Variants in MAPK4 observed in about 807,000 individuals in gnomAD.
MAPK4 encodes mitogen-activated protein kinase 4.
Under a neutral mutation model 47.7 loss-of-function variants are expected in MAPK4, and 22 were observed. The ratio of observed to expected loss-of-function variants is 0.46; its 90% CI spans 0.33 to 0.66. The LOEUF (loss-of-function observed/expected upper bound fraction) is 0.66, where lower values mean the gene tolerates loss of function less well. Ranked by LOEUF, MAPK4 falls within the 30% of genes least tolerant of loss-of-function variation. The probability of loss-of-function intolerance (pLI) is 0.02; values close to 1 mark genes in which losing one functional copy is unlikely to be tolerated. For missense variants in MAPK4, 736 were observed against 831.7 expected (o/e 0.88, Z 1.42); for synonymous variants, 390 against 365.7 (o/e 1.07, Z -0.76).
chr18:50,700,795 G>C (rs1461691728), intron 2 of MAPK4, among the ~76,000 whole-genome samples: 1 of 152,146 alleles, frequency 6.6e-6, no homozygotes, highest in Non-Finnish European at 1.5e-5. Flanking sequence ...AGTTGGGGGT[G>C]GGGGACAGGG....
At chr18:50,665,919 C>G (rs1259590538) in intron 2 of MAPK4, among the ~76,000 whole-genome samples, 1 of 152,312 alleles carries the variant, frequency 6.6e-6, no homozygotes, top group Admixed American at 6.5e-5. Flanking sequence ...CTTTCTAATT[C>G]CTTGAACTGC....
upstream of MAPK4, chr18:50,560,065 GGCCGGGGCCGGGGCGGGA>G (rs1369399714): frequency 6.8e-6 from 1 of 148,146 alleles, no homozygotes; most frequent in Non-Finnish European, 1.5e-5. Flanking sequence ...CGCAGGCTGG[GGCCGGGGCCGGGGCGGGA>G]GCCGGAGCCC....
At chr18:50,632,458 T>C (rs766717303) in intron 1 of MAPK4, among the ~76,000 whole-genome samples, 1 of 152,144 alleles carries the variant, frequency 6.6e-6, no homozygotes, top group Non-Finnish European at 1.5e-5. Context: ...AAATGAGTCA[T>C]CCAGCATCCC....
intron 3 of MAPK4, among the ~76,000 whole-genome samples, chr18:50,717,435 A>G (rs533713751): frequency 5.9e-5 from 9 of 152,138 alleles, no homozygotes; most frequent in African/African-American, 1.9e-4. Flanking sequence ...CATGGCCTGC[A>G]TTGGTAGGCC....
chr18:50,625,881 T>TGC (rs1568050630), intron 1 of MAPK4, among the ~76,000 whole-genome samples: 1 of 126,104 alleles, frequency 7.9e-6, no homozygotes, highest in Non-Finnish European at 1.7e-5. Context: ...GGTGTGTGTA[T>TGC]GCACACACAC....
exon 1 of MAPK4, chr18:50,560,081 GGAGCCGGAGCCC>G (rs940623950): frequency 2.0e-3 from 293 of 148,466 alleles, 2 homozygotes; most frequent in South Asian, 0.01. Flanking sequence ...GGCCGGGGCG[GGAGCCGGAGCCC>G]GAGCTGGAGC....
intron 2 of MAPK4, among the ~76,000 whole-genome samples, chr18:50,668,082 G>A (rs1440296253): frequency 2.0e-5 from 3 of 152,192 alleles, no homozygotes; most frequent in Admixed American, 6.5e-5. Context: ...TACATTTACT[G>A]TAAGGGTTAG....
intron 1 of MAPK4, among the ~76,000 whole-genome samples, chr18:50,657,313 C>T (rs1183083418): frequency 6.6e-6 from 1 of 152,180 alleles, no homozygotes; most frequent in Non-Finnish European, 1.5e-5. Flanking sequence ...GATGACATCA[C>T]CTCCTGGGAC....
rs116565224 is a variant in MAPK4 at position 50,577,356 on chromosome 18, C to T, written c.-871+17113C>T. Among the ~76,000 whole-genome samples the T allele has an allele frequency of 6.7e-3, 1,013 of 152,110 alleles. 15 individuals carry two copies. Among genetic ancestry groups the T allele is most frequent in the African/African-American group, 0.023 (964 of 41,468 alleles). ...GCCCTAGAGATTCTGATTTATATGGCGTGGGGTCCAGACATCAGTTTTATT... is the reference window on the plus strand; with the variant it reads ...GCCCTAGAGATTCTGATTTATATGGTGTGGGGTCCAGACATCAGTTTTATT... On this transcript the variant is annotated intron_variant, in intron 1 of 5. Transcript: ENST00000400384.
At chr18:50,627,558 G>A (rs2042789707) in intron 1 of MAPK4, among the ~76,000 whole-genome samples, 1 of 152,180 alleles carries the variant, frequency 6.6e-6, no homozygotes. Context: ...CCACTGTGTT[G>A]TCTTCAAACC....
intron 1 of MAPK4, among the ~76,000 whole-genome samples, chr18:50,606,155 G>A (rs923636808): frequency 1.3e-5 from 2 of 152,144 alleles, no homozygotes; most frequent in Non-Finnish European, 2.9e-5. Flanking sequence ...ACAGACATGG[G>A]GAGAACCCCG....
intron 1 of MAPK4, among the ~76,000 whole-genome samples, chr18:50,628,466 G>A (rs895639579): frequency 6.6e-6 from 1 of 152,200 alleles, no homozygotes; most frequent in African/African-American, 2.4e-5. Context: ...CCTTTTGGGG[G>A]CCCGTTAAGC....
rs1909955848 is a variant in MAPK4 at position 50,704,635 on chromosome 18, A to T, written c.547-10444A>T. The T allele has an allele frequency of 1.0e-5, 4 of 398,678 alleles. No individual in the cohort carries two copies. The East Asian group carries it at 1.1e-4, about 11-fold the overall frequency. 24.7% of individuals were successfully genotyped at this position (398,678 alleles called of 1,614,324 possible). On this transcript the variant is annotated intron_variant, in intron 2 of 5. Coordinates refer to ENST00000400384, the MANE Select transcript of MAPK4 (RefSeq NM_002747.4). ...TCTTCTGAGCGTTCTCTGCAAGTCAAACTGGGGAGAGTTCCAGTCCTGTGG... is the reference window on the plus strand; with the variant it reads ...TCTTCTGAGCGTTCTCTGCAAGTCATACTGGGGAGAGTTCCAGTCCTGTGG...
intron 2 of MAPK4, among the ~76,000 whole-genome samples, chr18:50,709,188 C>T (rs1231605152): frequency 1.3e-5 from 2 of 152,134 alleles, no homozygotes; most frequent in Admixed American, 6.5e-5. Context: ...GCTCCTCCAC[C>T]GGGAGGGCTC....
intron 1 of MAPK4, among the ~76,000 whole-genome samples, chr18:50,561,803 G>A (rs547547034): frequency 4.6e-5 from 7 of 152,192 alleles, no homozygotes; most frequent in Non-Finnish European, 8.8e-5. Flanking sequence ...TAGTAAAAAG[G>A]CTTGCTCTGG....
Position 50,664,190 on chromosome 18 carries a change from G to C in MAPK4, c.232G>C (p.Val78Leu). The C allele has an allele frequency of 6.2e-7, 1 of 1,614,080 alleles. No individual in the cohort carries two copies. Among genetic ancestry groups the C allele is most frequent in the East Asian group, 2.2e-5 (1 of 44,884 alleles). ...TCGGCGCCTGGACCACGACAACATC[G>C]TCAAAGTGTACGAGGTGCTCGGTCC... ...IIRRLDHDNI[V>L]KVYEVLGPKG... Residue 78 changes from valine (V) to leucine (L), a missense_variant, in exon 2 of 6, where the codon GTC becomes CTC. By Grantham distance (32) the Val-to-Leu change is conservative. This residue lies in a region of MAPK4 where 327 missense variants were observed against 395.4 expected (regional missense o/e 0.83). Transcript: ENST00000400384. The surrounding 1 kb of genome is among the most constrained non-coding windows in gnomAD (Gnocchi z 6.0).
intron 1 of MAPK4, among the ~76,000 whole-genome samples, chr18:50,618,325 G>A (rs1258395064): frequency 3.9e-5 from 6 of 152,030 alleles, no homozygotes; most frequent in Admixed American, 3.3e-4. Flanking sequence ...TAGTTACTAC[G>A]CCCTGTACCT....
At chr18:50,611,220 T>C (rs1013961478) in intron 1 of MAPK4, among the ~76,000 whole-genome samples, 7 of 152,190 alleles carry the variant, frequency 4.6e-5, no homozygotes, top group Non-Finnish European at 1.0e-4. Flanking sequence ...CTTGGAGTAA[T>C]TGTTTCTTAC....
In MAPK4 at chr18:50,692,546, A is replaced by G. The variant is rs192474362; in HGVS notation, c.547-22533A>G. ...CAGTTTTCTGACCTATAAAAAGGAA[A>G]CAACAGTGTTGATTTTACAGGGTTG... On this transcript the variant is annotated intron_variant, in intron 2 of 5. Transcript: ENST00000400384. Among the ~76,000 whole-genome samples, 34 of 152,292 alleles carry G rather than the reference A, an allele frequency of 2.2e-4. No homozygotes were observed. In the East Asian group the frequency reaches 3.9e-3, roughly 17 times the overall value.
Sources: gnomAD v4.1 joint callset for allele counts (sites outside exome capture counted in the v4.1 genomes callset) on GRCh38, gnomAD v4.1.1 for gene constraint, gnomAD v4.1.1 regional missense constraint, Gnocchi (gnomAD v3.1) non-coding constraint, MANE v1.5 for transcripts, NCBI Gene and HGNC (gene_info 2026-07-23, HGNC 2026-07-21) for gene names.